The following BOC variants were observed in gnomAD, a reference collection of about 807,000 sequenced individuals.
BOC encodes brother of CDO.
Under a neutral mutation model 112.0 loss-of-function variants are expected in BOC, and 76 were observed. The ratio of observed to expected loss-of-function variants is 0.68; its 90% CI spans 0.56 to 0.82. The LOEUF (loss-of-function observed/expected upper bound fraction) is 0.82. Ranked by LOEUF, BOC falls within the 40% of genes least tolerant of loss-of-function variation. The pLI is 0.00. For synonymous variants in BOC, 580 were observed against 599.8 expected (o/e 0.97, Z 0.48); for missense variants, 1,309 against 1,511.7 (o/e 0.87, Z 2.22).
At chr3:113,248,812 A>T (rs1945254316) in intron 2 of BOC, among the ~76,000 whole-genome samples, 1 of 152,292 alleles carries the variant, frequency 6.6e-6, no homozygotes, top group South Asian at 2.1e-4. Context: ...AGGGTGACTG[A>T]TAGCTGAGGT....
chr3:113,235,769 T>C (rs1398026856), intron 2 of BOC, among the ~76,000 whole-genome samples: 1 of 152,218 alleles, frequency 6.6e-6, no homozygotes, highest in Non-Finnish European at 1.5e-5. Flanking sequence ...AAACATTATA[T>C]AGAATATGTT....
chr3:113,234,067 C>A (rs1943090508), intron 2 of BOC, among the ~76,000 whole-genome samples: 1 of 152,176 alleles, frequency 6.6e-6, no homozygotes, highest in Admixed American at 6.5e-5. Context: ...AGCAAACATT[C>A]TTTGAGTACC....
chr3:113,240,264 A>C (rs1944115142), intron 2 of BOC, among the ~76,000 whole-genome samples: 2 of 152,194 alleles, frequency 1.3e-5, no homozygotes, highest in South Asian at 4.1e-4. Context: ...AAACAACAAC[A>C]ACGAGCACAG....
In BOC at chr3:113,273,155, C is replaced by T. The variant is rs1340626797; in HGVS notation, c.1048C>T (p.Pro350Ser). 3 of 1,614,008 alleles carry T rather than the reference C, an allele frequency of 1.9e-6. No individual in the cohort carries two copies. Among genetic ancestry groups the T allele is most frequent in the Non-Finnish European group, 2.5e-6 (3 of 1,179,964 alleles). The stretch of plus-strand genomic sequence containing the variant: ...GCTTACCTGTGAGGTGCGTGGGAAC[C>T]CCCCGCCCTCCGTGCTGTGGCTGAG... ...AKLTCEVRGN[P>S]PPSVLWLRNA... Residue 350 changes from proline to serine, a missense_variant, in exon 8 of 20, where the codon CCC (proline) becomes TCC (serine). Transcript: ENST00000682979.
At position 113,274,690 on chromosome 3, in the gene BOC, C is replaced by T. The variant is rs1948481873; in HGVS notation, c.1542+8C>T. The T allele has an allele frequency of 6.3e-7, 1 of 1,576,276 alleles. No individual in the cohort carries two copies. Among genetic ancestry groups the T allele is most frequent in the Non-Finnish European group, 8.7e-7 (1 of 1,154,798 alleles). ...GTGGTGAAACACCGCAAGGTATGGCCCTGGTGTGGGGCTGCTGCCTCCCCT... is the reference window on the plus strand; with the variant it reads ...GTGGTGAAACACCGCAAGGTATGGCTCTGGTGTGGGGCTGCTGCCTCCCCT... On this transcript the variant is annotated splice_region_variant and intron_variant, in intron 9 of 19. Transcript: ENST00000682979. This position sits in a 1 kb window ranked among gnomAD's most constrained non-coding sequence, Gnocchi z 4.8.
chr3:113,229,223 G>C (rs538634438), intron 2 of BOC, among the ~76,000 whole-genome samples: 3 of 152,344 alleles, frequency 2.0e-5, no homozygotes, highest in African/African-American at 7.2e-5. Flanking sequence ...TTTCAGTGGA[G>C]CCAAAGCCCT....
At chr3:113,237,462 C>G (rs1943718240) in intron 2 of BOC, among the ~76,000 whole-genome samples, 1 of 152,196 alleles carries the variant, frequency 6.6e-6, no homozygotes, top group East Asian at 1.9e-4. Context: ...GTGGCACAGG[C>G]ATGGTCTCAT....
At position 113,273,106 on chromosome 3, in the gene BOC, C is replaced by A. The variant is rs780922303; in HGVS notation, c.999C>A (p.Val333=). ...PEVTMELSQL[V]IPWGQSAKLT... is the part of the protein sequence containing the mutation. The stretch of plus-strand genomic sequence containing the variant: ...TCACCATGGAGCTATCCCAGCTGGT[C>A]ATCCCCTGGGGCCAGAGTGCCAAGC... Residue 333 remains valine, a synonymous_variant, in exon 8 of 20, where the codon GTC becomes GTA. Coordinates refer to ENST00000682979, the MANE Select transcript of BOC (RefSeq NM_001378074.1). 6.2e-7 allele frequency: 1 copy of A among 1,609,752 alleles called. No individual in the cohort carries two copies. The highest frequency in any genetic ancestry group is 2.2e-5 in the East Asian group (1 of 44,694).
chr3:113,284,350 T>C lies in BOC; in HGVS notation c.2672T>C (p.Leu891Pro), dbSNP rs1379277969. 1 of 1,614,068 alleles carries C rather than the reference T, an allele frequency of 6.2e-7. No homozygotes were observed. Among genetic ancestry groups the C allele is most frequent in the South Asian group, 1.1e-5 (1 of 91,076 alleles). ...AWSKQKHTTD[L>P]GFPRSALPPS... ...GTCCTTCCAGAACATACAACAGACC[T>C]GGGTTTTCCTCGAAGTGCCCTTCCA... The change falls in exon 17 of 20, where the codon CTG (leucine) becomes CCG (proline). Residue 891 changes from leucine to proline, a missense_variant. By Grantham distance (98) the Leu-to-Pro change is moderately conservative. Transcript: ENST00000682979.
At chr3:113,286,078 G>T (rs913362242) in intron 19 of BOC, among the ~76,000 whole-genome samples, 9 of 152,026 alleles carry the variant, frequency 5.9e-5, no homozygotes, top group African/African-American at 2.2e-4. Context: ...GGCCATTCAC[G>T]CTAAGCCCAT....
Position 113,278,767 on chromosome 3 carries a change from C to G in BOC, c.1800C>G (p.Asp600Glu). The G allele has an allele frequency of 6.4e-7, 1 of 1,555,418 alleles. No individual in the cohort carries two copies. The highest frequency in any genetic ancestry group is 8.7e-7 in the Non-Finnish European group (1 of 1,149,256). Residue 600 changes from aspartate to glutamate, a missense_variant, in exon 11 of 20, where the codon GAC (aspartate) becomes GAG (glutamate). Physicochemically the swap from Asp to Glu is conservative, Grantham distance 45. Transcript: ENST00000682979. The surrounding 1 kb of genome is among the most constrained non-coding windows in gnomAD (Gnocchi z 4.2). ...GTCCCCAGAGCAGCAGCCAGCCAGA[C>G]CACGGCCGCCTCTCCCGTAAGCCGC... is the stretch of plus-strand genomic sequence containing the variant. ...GASPQSSSQP[D>E]HGRLSPPEAP...
intron 2 of BOC, among the ~76,000 whole-genome samples, chr3:113,238,062 G>A (rs915880760): frequency 1.1e-4 from 16 of 152,214 alleles, no homozygotes; most frequent in African/African-American, 3.1e-4. Flanking sequence ...TATATAAGGT[G>A]TGTGAGATGC....
chr3:113,279,919 G>C lies in BOC; in HGVS notation c.2119G>C (p.Gly707Arg), dbSNP rs749023406. The C allele has an allele frequency of 6.2e-7, 1 of 1,613,890 alleles. No homozygotes were observed. Among genetic ancestry groups the C allele is most frequent in the Non-Finnish European group, 8.5e-7 (1 of 1,179,984 alleles). Reference sequence around the variant, plus strand: ...GCCCTACGTGGTGTCGGGCTACAGCGGTCGCGTGTACGAGAGGCCCGTGGC... The same window carrying C: ...GCCCTACGTGGTGTCGGGCTACAGCCGTCGCGTGTACGAGAGGCCCGTGGC... ...SRPYVVSGYS[G>R]RVYERPVAGP... is the part of the protein sequence containing the mutation. The change falls in exon 13 of 20, where the codon GGT becomes CGT. Residue 707 changes from glycine (G) to arginine (R), a missense_variant. By Grantham distance (125) the Gly-to-Arg change is moderately radical. Coordinates refer to ENST00000682979, the MANE Select transcript of BOC (RefSeq NM_001378074.1).
rs1948914914 is a variant in BOC at position 113,278,841 on chromosome 3, C to T, written c.1816+58C>T. On this transcript the variant is annotated intron_variant, in intron 11 of 19. Transcript: ENST00000682979. This position sits in a 1 kb window ranked among gnomAD's most constrained non-coding sequence, Gnocchi z 4.2. ...TCAGGACTGGAACTGCCTCAGAGGC[C>T]TGTTCCCATGGCTGAATGGGGTCTT... is the stretch of plus-strand genomic sequence containing the variant. 4 of 1,446,524 alleles carry T rather than the reference C, an allele frequency of 2.8e-6. No homozygotes were observed. The South Asian group carries it at 4.9e-5, about 18-fold the overall frequency. 89.6% of individuals were successfully genotyped at this position (1,446,524 alleles called of 1,614,324 possible). A position where few individuals can be genotyped will look rare whatever the true frequency, so the allele number is the denominator to read the frequency against.
chr3:113,214,326 A>G (rs1938887093), intron 1 of BOC, among the ~76,000 whole-genome samples: 4 of 152,184 alleles, frequency 2.6e-5, no homozygotes, highest in South Asian at 2.1e-4. Flanking sequence ...TCCATGCCCT[A>G]AGAATGAATA....
chr3:113,229,530 G>A (rs1338428528), intron 2 of BOC, among the ~76,000 whole-genome samples: 4 of 152,172 alleles, frequency 2.6e-5, no homozygotes, highest in Non-Finnish European at 4.4e-5. Flanking sequence ...TACTGTAGAG[G>A]CCGCCTTGGC....
At chr3:113,249,302 C>T (rs1040005598) in intron 2 of BOC, among the ~76,000 whole-genome samples, 1 of 152,224 alleles carries the variant, frequency 6.6e-6, no homozygotes, top group African/African-American at 2.4e-5. Flanking sequence ...TGGCAGGGCA[C>T]ATGGCTGTGA....
In BOC at chr3:113,211,595, T is replaced by A. The variant is rs1938154345; in HGVS notation, c.-591T>A. On this transcript the variant is annotated 5_prime_UTR_variant, in exon 1 of 20. Coordinates refer to ENST00000682979, the MANE Select transcript of BOC (RefSeq NM_001378074.1). ...GCTTCTTCCATATGGAGGGACCGGG[T>A]GCGCTGGGCGCGGCGTCCCCTGCGT... 6.6e-6 allele frequency: 1 copy of A among 152,038 alleles called. No homozygotes were observed. The allele number at this position is 152,038 out of a possible 1,614,324, so 9.4% of individuals were successfully genotyped here. A position where few individuals can be genotyped will look rare whatever the true frequency, so the allele number is the denominator to read the frequency against.
chr3:113,262,198 G>T (rs756197966), intron 4 of BOC, among the ~76,000 whole-genome samples: 1 of 152,202 alleles, frequency 6.6e-6, no homozygotes, highest in Non-Finnish European at 1.5e-5. Flanking sequence ...CCTGCAAAGG[G>T]AGGAGCAGTA....
Sources: gnomAD v4.1 joint callset for allele counts (sites outside exome capture counted in the v4.1 genomes callset) on GRCh38, gnomAD v4.1.1 for gene constraint, Gnocchi (gnomAD v3.1) non-coding constraint, MANE v1.5 for transcripts, NCBI Gene and HGNC (gene_info 2026-07-23, HGNC 2026-07-21) for gene names.